ELP4: variants seen among roughly 807,000 people sequenced by gnomAD.
ELP4 encodes the protein elongator acetyltransferase complex subunit 4, also known as elongator complex protein 4.
Under a neutral mutation model 48.9 loss-of-function variants are expected in ELP4, and 51 were observed. That is an observed-to-expected ratio of 1.04 (90% CI 0.83 to 1.32). The LOEUF (loss-of-function observed/expected upper bound fraction) is 1.32. Ranked by LOEUF, ELP4 falls within the 40% of genes most tolerant of loss-of-function variation. The pLI is 0.00. For synonymous variants in ELP4, 210 were observed against 189.2 expected (o/e 1.11, Z -0.90); for missense variants, 519 against 514.6 (o/e 1.01, Z -0.08).
intron 3 of ELP4, among the ~76,000 whole-genome samples, chr11:31,541,973 ACT>A (rs1956598434): frequency 6.6e-6 from 1 of 152,006 alleles, no homozygotes; most frequent in Non-Finnish European, 1.5e-5. Flanking sequence ...AGCAAAACAG[ACT>A]CTTAAAAAAT....
intron 5 of ELP4, among the ~76,000 whole-genome samples, chr11:31,620,944 A>G (rs971387948): frequency 5.3e-5 from 8 of 151,908 alleles, no homozygotes; most frequent in African/African-American, 1.9e-4. Context: ...AATCAAACTC[A>G]GTATTCTTAG....
intron 3 of ELP4, 90 bp from the exon 4 acceptor site, chr11:31,594,680 G>T: frequency 1.2e-6 from 1 of 804,408 alleles, no homozygotes. Flanking sequence ...TCAATACATT[G>T]GAAATTTCTA....
chr11:31,533,186 A>AC (rs1035470345), intron 2 of ELP4, among the ~76,000 whole-genome samples: 2 of 151,698 alleles, frequency 1.3e-5, no homozygotes. Flanking sequence ...TTAAACCTTT[A>AC]CCCCCTTACC....
chr11:31,579,212 A>G (rs1201727799), intron 3 of ELP4, among the ~76,000 whole-genome samples: 5 of 152,236 alleles, frequency 3.3e-5, no homozygotes, highest in Non-Finnish European at 7.3e-5. Context: ...CATCAGAGAA[A>G]TGCAAATCAA....
intron 5 of ELP4, among the ~76,000 whole-genome samples, chr11:31,613,856 A>C (rs964315350): frequency 3.3e-5 from 5 of 150,994 alleles, no homozygotes; most frequent in Non-Finnish European, 7.4e-5. Flanking sequence ...TTACAGGCGC[A>C]CACCACCACA....
At position 31,650,131 on chromosome 11, in the gene ELP4, G is replaced by T. The variant is rs747866123; in HGVS notation, c.1053G>T (p.Arg351=). Residue 351 remains arginine (R), a synonymous_variant, in exon 9 of 10, where the codon CGG becomes CGT. Coordinates refer to ENST00000640961, the MANE Select transcript of ELP4 (RefSeq NM_019040.5). ...YKDYHGLIHI[R]QIPRLNNLIC... is the part of the protein sequence containing the mutation. The stretch of plus-strand genomic sequence containing the variant: ...TTCCACAAGGATTGATTCATATACG[G>T]CAGATTCCTCGGCTTAATAACTTGA... The T allele has an allele frequency of 1.4e-5, 21 of 1,467,792 alleles. No individual in the cohort carries two copies. The highest frequency in any genetic ancestry group is 2.0e-5 in the Non-Finnish European group (21 of 1,057,598). 90.9% of individuals were successfully genotyped at this position (1,467,792 alleles called of 1,614,324 possible).
intron 9 of ELP4, among the ~76,000 whole-genome samples, chr11:31,668,632 C>A (rs1945730759): frequency 6.9e-6 from 1 of 144,690 alleles, no homozygotes; most frequent in Non-Finnish European, 1.5e-5. Context: ...AGCTGTGATT[C>A]TCTTCTTTGC....
chr11:31,564,138 A>G (rs1354662636), intron 3 of ELP4, among the ~76,000 whole-genome samples: 1 of 152,194 alleles, frequency 6.6e-6, no homozygotes, highest in Non-Finnish European at 1.5e-5. Flanking sequence ...GCATACTTAA[A>G]AATTTTAGTA....
chr11:31,574,487 C>G (rs1957237884), intron 3 of ELP4, among the ~76,000 whole-genome samples: 1 of 152,248 alleles, frequency 6.6e-6, no homozygotes, highest in Non-Finnish European at 1.5e-5. Context: ...ACTGCCTCCT[C>G]AACTGGGTCC....
chr11:31,593,391 G>A (rs1957621416), intron 3 of ELP4, among the ~76,000 whole-genome samples: 1 of 151,940 alleles, frequency 6.6e-6, no homozygotes, highest in Non-Finnish European at 1.5e-5. Flanking sequence ...ACAGCCATGT[G>A]CCACCACACC....
intron 9 of ELP4, among the ~76,000 whole-genome samples, chr11:31,725,932 G>A (rs1055499057): frequency 6.6e-6 from 1 of 152,128 alleles, no homozygotes; most frequent in Non-Finnish European, 1.5e-5. Flanking sequence ...TCAAGTTCTT[G>A]AGAAATTCTT....
At chr11:31,585,251 G>T (rs1162992147) in intron 3 of ELP4, among the ~76,000 whole-genome samples, 3 of 152,004 alleles carry the variant, frequency 2.0e-5, no homozygotes, top group Non-Finnish European at 4.4e-5. Context: ...GAATTAATTA[G>T]GGCCAATTGT....
rs138025058 is a variant in ELP4 at position 31,684,054 on chromosome 11, A to G, written c.1143+33833A>G. On this transcript the variant is annotated intron_variant, in intron 9 of 9. Transcript: ENST00000640961. ...CAGTCCTACCCAATTAAGAACTGCTATGATCCTACACAACTTTGAAAGTCT... is the reference window on the plus strand; with the variant it reads ...CAGTCCTACCCAATTAAGAACTGCTGTGATCCTACACAACTTTGAAAGTCT... 6.7e-4 allele frequency among the ~76,000 whole-genome samples: 102 copies of G among 152,306 alleles called. No individual in the cohort carries two copies. In the East Asian group the frequency reaches 0.018, roughly 27 times the overall value.
At chr11:31,563,658 T>C (rs1225173457) in intron 3 of ELP4, among the ~76,000 whole-genome samples, 2 of 152,182 alleles carry the variant, frequency 1.3e-5, no homozygotes, top group Non-Finnish European at 2.9e-5. Context: ...ATATTAATTT[T>C]CTAATCTGTT....
At chr11:31,677,636 T>C (rs576935290) in intron 9 of ELP4, among the ~76,000 whole-genome samples, 1 of 152,284 alleles carries the variant, frequency 6.6e-6, no homozygotes, top group South Asian at 2.1e-4. Context: ...GTTATGCCAA[T>C]GTGATTTAAA....
At chr11:31,756,123 T>A (rs1947827789) in intron 9 of ELP4, among the ~76,000 whole-genome samples, 1 of 152,230 alleles carries the variant, frequency 6.6e-6, no homozygotes, top group South Asian at 2.1e-4. Context: ...TTTTGGGGGA[T>A]GGGAGCTCAT....
intron 9 of ELP4, among the ~76,000 whole-genome samples, chr11:31,774,143 C>G (rs941131485): frequency 6.6e-6 from 1 of 152,206 alleles, no homozygotes; most frequent in African/African-American, 2.4e-5. Flanking sequence ...CCACTGCACT[C>G]CAGCATGGGC....
chr11:31,567,256 C>T (rs531573360), intron 3 of ELP4, among the ~76,000 whole-genome samples: 5 of 152,080 alleles, frequency 3.3e-5, no homozygotes, highest in Admixed American at 6.6e-5. Context: ...AAAGGTGATG[C>T]AATATTGTAC....
At chr11:31,643,380 C>T (rs1189385390) in intron 7 of ELP4, among the ~76,000 whole-genome samples, 1 of 151,782 alleles carries the variant, frequency 6.6e-6, no homozygotes, top group Non-Finnish European at 1.5e-5. Context: ...TTGATTTACC[C>T]CTTTCAAGCT....
Sources: gnomAD v4.1 joint callset for allele counts (sites outside exome capture counted in the v4.1 genomes callset) on GRCh38, gnomAD v4.1.1 for gene constraint, MANE v1.5 for transcripts, NCBI Gene and HGNC (gene_info 2026-07-23, HGNC 2026-07-21) for gene names.